MTA3: variants seen among roughly 807,000 people sequenced by gnomAD.
The protein encoded by MTA3 is metastasis-associated protein MTA3.
MTA3 carries 34 observed loss-of-function variants against 83.5 expected under a neutral mutation model. The ratio of observed to expected loss-of-function variants is 0.41; its 90% CI spans 0.31 to 0.54. MTA3 has a LOEUF of 0.54. Among genes scored for constraint, MTA3 ranks in the 20% least tolerant of loss-of-function variants. The probability of loss-of-function intolerance (pLI) is 0.33; values close to 1 mark genes in which losing one functional copy is unlikely to be tolerated. For synonymous variants in MTA3, 303 were observed against 252.7 expected (o/e 1.20, Z -1.89); for missense variants, 761 against 726.4 (o/e 1.05, Z -0.55).
chr2:42,693,773 A>G (rs1693126066), intron 9 of MTA3, among the ~76,000 whole-genome samples: 1 of 152,168 alleles, frequency 6.6e-6, no homozygotes, highest in South Asian at 2.1e-4. Context: ...CTAAGGTGCA[A>G]AACAACAACA....
upstream of MTA3, among the ~76,000 whole-genome samples, chr2:42,565,498 C>G (rs1288723015): frequency 6.6e-6 from 1 of 152,012 alleles, no homozygotes; most frequent in Non-Finnish European, 1.5e-5. Context: ...ATCCACTTCT[C>G]TTCAACTAAA....
chr2:42,733,480 C>T (rs1359086907), intron 16 of MTA3, among the ~76,000 whole-genome samples: 2 of 152,212 alleles, frequency 1.3e-5, no homozygotes, highest in South Asian at 4.1e-4. Context: ...CACAGCCAAA[C>T]CATATCAAGG....
At chr2:42,730,628 T>G (rs1336590345) in intron 16 of MTA3, among the ~76,000 whole-genome samples, 1 of 152,182 alleles carries the variant, frequency 6.6e-6, no homozygotes, top group African/African-American at 2.4e-5. Flanking sequence ...TTGTTGAGGT[T>G]TTTTCGTCAG....
intron 9 of MTA3, among the ~76,000 whole-genome samples, chr2:42,694,447 G>A (rs1250294789): frequency 6.6e-6 from 1 of 152,168 alleles, no homozygotes; most frequent in Non-Finnish European, 1.5e-5. Context: ...CGATAGGATA[G>A]GTGATTACCC....
chr2:42,633,339 T>A (rs1375729489), intron 4 of MTA3, among the ~76,000 whole-genome samples: 2 of 151,102 alleles, frequency 1.3e-5, no homozygotes, highest in East Asian at 1.9e-4. Flanking sequence ...ATCCCAGCAA[T>A]TGGGGGGCCA....
At chr2:42,675,508 C>A (rs967774165) in intron 8 of MTA3, among the ~76,000 whole-genome samples, 1 of 152,128 alleles carries the variant, frequency 6.6e-6, no homozygotes, top group Non-Finnish European at 1.5e-5. Flanking sequence ...CAGTTTGTTA[C>A]ACAGCTTAAA....
chr2:42,514,682 C>CCTTT (rs1201134677), intron 2 of MTA3, among the ~76,000 whole-genome samples: 2 of 53,492 alleles, frequency 3.7e-5, no homozygotes, highest in African/African-American at 8.5e-5. Flanking sequence ...CGCCCAGCCC[C>CCTTT]TTTTTTTTTT....
chr2:42,686,741 C>T (rs192643963), intron 9 of MTA3, among the ~76,000 whole-genome samples: 241 of 152,046 alleles, frequency 1.6e-3, no homozygotes, highest in Non-Finnish European at 2.7e-3. Flanking sequence ...GCAGGAGAAT[C>T]GCTGGAACCC....
At chr2:42,627,859 T>C (rs1170615804) in intron 4 of MTA3, among the ~76,000 whole-genome samples, 1 of 151,540 alleles carries the variant, frequency 6.6e-6, no homozygotes, top group Non-Finnish European at 1.5e-5. Context: ...ATTACAGGCA[T>C]GAGCCACCAT....
At chr2:42,571,329 GTGAGCTGAGATCACGCCA>G (rs925063446) in intron 2 of MTA3, among the ~76,000 whole-genome samples, 3 of 142,282 alleles carry the variant, frequency 2.1e-5, no homozygotes, top group Non-Finnish European at 4.5e-5. Context: ...GGAGGTTGCA[GTGAGCTGAGATCACGCCA>G]TTGCACTCTA....
intron 11 of MTA3, chr2:42,698,284 T>C (rs1262160127): frequency 6.6e-6 from 1 of 152,332 alleles, no homozygotes; most frequent in Non-Finnish European, 1.5e-5. Flanking sequence ...GTGTGATAAA[T>C]AATGGAGAGG....
At chr2:42,693,579 G>A (rs537898094) in intron 9 of MTA3, among the ~76,000 whole-genome samples, 1 of 152,096 alleles carries the variant, frequency 6.6e-6, no homozygotes, top group Admixed American at 6.5e-5. Flanking sequence ...TACACTTAAA[G>A]CCCATGGGCT....
chr2:42,623,167 ATGTT>A lies in MTA3; in HGVS notation c.317+13589_317+13592del, dbSNP rs969073364. 8.5e-5 allele frequency among the ~76,000 whole-genome samples: 13 copies of A among 152,272 alleles called. 1 individual carries two copies. Among genetic ancestry groups the A allele is most frequent in the African/African-American group, 3.1e-4 (13 of 41,558 alleles). On this transcript the variant is annotated intron_variant, in intron 4 of 16. Coordinates refer to ENST00000405094, the MANE Select transcript of MTA3 (RefSeq NM_001330442.2). Reference sequence around the variant, plus strand: ...AGAATGATCCTGTGTTCCTTGATGAATGTTTGTTTAGTGTTCCAGTAATGGCCAA... The same window carrying A: ...AGAATGATCCTGTGTTCCTTGATGAATGTTTAGTGTTCCAGTAATGGCCAA...
chr2:42,732,913 C>T (rs1471947217), intron 16 of MTA3, among the ~76,000 whole-genome samples: 1 of 152,214 alleles, frequency 6.6e-6, no homozygotes, highest in African/African-American at 2.4e-5. Context: ...CTCATCCCCA[C>T]CTGAGACCAC....
chr2:42,677,619 C>T (rs569917182), intron 8 of MTA3, among the ~76,000 whole-genome samples: 12 of 152,218 alleles, frequency 7.9e-5, no homozygotes, highest in African/African-American at 1.4e-4. Flanking sequence ...ACTGAGATTA[C>T]GGGTATGAGC....
intron 3 of MTA3, among the ~76,000 whole-genome samples, chr2:42,594,489 C>G (rs901066314): frequency 2.0e-5 from 3 of 150,408 alleles, no homozygotes; most frequent in African/African-American, 7.3e-5. Flanking sequence ...CCACCCAACT[C>G]GGACTCCCAA....
intron 11 of MTA3, 135 bp downstream of exon 11, chr2:42,697,969 A>G: frequency 5.1e-6 from 3 of 583,518 alleles, no homozygotes; most frequent in Admixed American, 7.7e-5. Context: ...GAGACTTACT[A>G]TTATACCACT....
Position 42,585,503 on chromosome 2 carries a change from C to G in MTA3, c.190+6303C>G, listed in dbSNP as rs569934503. ...TTTTTTTTTTTTTTTTTGAGACAGT[C>G]TCACTCTGTCGCCCAGGCCGGAGTG... On this transcript the variant is annotated intron_variant, in intron 3 of 16. Transcript: ENST00000405094. Among the ~76,000 whole-genome samples, 4 of 128,830 alleles carry G rather than the reference C, an allele frequency of 3.1e-5. No homozygotes were observed. In the South Asian group the frequency reaches 9.7e-4, roughly 31 times the overall value. 84.5% of individuals were successfully genotyped at this position (128,830 alleles called of 152,430 possible).
intron 3 of MTA3, among the ~76,000 whole-genome samples, chr2:42,601,372 G>A (rs1023922979): frequency 6.6e-6 from 1 of 152,182 alleles, no homozygotes; most frequent in Non-Finnish European, 1.5e-5. Flanking sequence ...ACCTTTTTGT[G>A]TAGTCTATCC....
Sources: allele counts gnomAD v4.1 joint callset (sites outside exome capture counted in the v4.1 genomes callset), GRCh38; gene constraint gnomAD v4.1.1; transcripts MANE v1.5; gene names NCBI Gene and HGNC (gene_info 2026-07-23, HGNC 2026-07-21).